The following DLD variants were observed in gnomAD, a reference collection of about 807,000 sequenced individuals.
DLD encodes dihydrolipoyl dehydrogenase, mitochondrial.
In DLD, 36 loss-of-function variants were observed where a neutral mutation model predicts 62.2. The ratio of observed to expected loss-of-function variants is 0.58; its 90% CI spans 0.44 to 0.76. DLD has a LOEUF of 0.76. DLD is among the 30% of genes least tolerant of loss of function. The probability of loss-of-function intolerance (pLI) is 0.00; values close to 1 mark genes in which losing one functional copy is unlikely to be tolerated. For synonymous variants in DLD, 204 were observed against 199.6 expected, an observed-to-expected ratio of 1.02 and a Z score of -0.19; for missense variants, 541 against 608.6, an observed-to-expected ratio of 0.89 and a Z score of 1.17.
rs894419713 is a variant in DLD at position 107,918,460 on chromosome 7, A to G, written c.1374+399A>G. On this transcript the variant is annotated intron_variant, in intron 12 of 13. Coordinates refer to ENST00000205402, the MANE Select transcript of DLD (RefSeq NM_000108.5). ...CTTCTCTCATTTTCACAACAGACCA[A>G]ATATTTGCATTTTAGGGCCTTTGTG... Among the ~76,000 whole-genome samples, 16 of 152,192 alleles carry G rather than the reference A, an allele frequency of 1.1e-4. No individual in the cohort carries two copies. The East Asian group carries it at 1.9e-3, about 18-fold the overall frequency.
In DLD at chr7:107,919,473, A is replaced by T. The variant is rs2116279991; in HGVS notation, c.*214A>T. The T allele has an allele frequency of 4.5e-6, 2 of 440,882 alleles. No individual in the cohort carries two copies. The highest frequency in any genetic ancestry group is 3.9e-5 in the Admixed American group (1 of 25,804). 27.3% of individuals were successfully genotyped at this position (440,882 alleles called of 1,614,324 possible). A position where few individuals can be genotyped will look rare whatever the true frequency, so the allele number is the denominator to read the frequency against. ...TTGTTTCAGTGCACTAATGTGTAAGACAAAAAGCTACTTATTGTAGCATCC... is the reference window on the plus strand; with the variant it reads ...TTGTTTCAGTGCACTAATGTGTAAGTCAAAAAGCTACTTATTGTAGCATCC... On this transcript the variant is annotated 3_prime_UTR_variant, in exon 14 of 14. Transcript: ENST00000205402.
rs2032384550 is a variant in DLD at position 107,920,455 on chromosome 7, ATTG to A, written c.*1201_*1203del. On this transcript the variant is annotated 3_prime_UTR_variant, in exon 14 of 14. Transcript: ENST00000205402. The stretch of plus-strand genomic sequence containing the variant: ...TGTTACATACTTCTAAAGAAAATTG[ATTG>A]TTGTCTTAGGAGGCAGTTAACTTGG... The A allele has an allele frequency of 6.6e-6, 1 of 152,210 alleles. No homozygotes were observed. The highest frequency in any genetic ancestry group is 1.9e-4 in the East Asian group (1 of 5,202). The allele number at this position is 152,210 out of a possible 1,614,324, so 9.4% of individuals were successfully genotyped here. A position where few individuals can be genotyped will look rare whatever the true frequency, so the allele number is the denominator to read the frequency against.
chr7:107,919,500 G>T lies in DLD; in HGVS notation c.*241G>T. On this transcript the variant is annotated 3_prime_UTR_variant, in exon 14 of 14. Coordinates refer to ENST00000205402, the MANE Select transcript of DLD (RefSeq NM_000108.5). Reference sequence around the variant, plus strand: ...AAAAAGCTACTTATTGTAGCATCCTGGAATATCTCCGTCAACTCATATTTT... The same window carrying T: ...AAAAAGCTACTTATTGTAGCATCCTTGAATATCTCCGTCAACTCATATTTT... 2 of 382,918 alleles carry T rather than the reference G, an allele frequency of 5.2e-6. No homozygotes were observed. The allele number at this position is 382,918 out of a possible 1,614,324, so 23.7% of individuals were successfully genotyped here. A position where few individuals can be genotyped will look rare whatever the true frequency, so the allele number is the denominator to read the frequency against.
chr7:107,906,198 G>T, intron 7 of DLD, 69 bp from the exon 8 acceptor site: 1 of 951,114 alleles, frequency 1.1e-6, no homozygotes, highest in Non-Finnish European at 1.6e-6. Context: ...TGGAACCCAT[G>T]GATATGGAGG....
chr7:107,907,178 A>G (rs2032029293), intron 8 of DLD, among the ~76,000 whole-genome samples: 1 of 152,060 alleles, frequency 6.6e-6, no homozygotes, highest in Admixed American at 6.6e-5. Flanking sequence ...CTGTTCTGTC[A>G]TATCTGCTTG....
chr7:107,895,810 G>C (rs2031706549), intron 2 of DLD, among the ~76,000 whole-genome samples: 1 of 152,128 alleles, frequency 6.6e-6, no homozygotes, highest in African/African-American at 2.4e-5. Context: ...GTTACAGGTT[G>C]GACCTTTTAC....
chr7:107,913,666 T>C lies in DLD; in HGVS notation c.685-1840T>C, dbSNP rs564008094. On this transcript the variant is annotated intron_variant, in intron 8 of 13. Transcript: ENST00000205402. The stretch of plus-strand genomic sequence containing the variant: ...AGGTTTTTCTAAATATAAGATCATG[T>C]AGTCTGCACAAAAGATTAATTTGAC... 5.3e-5 allele frequency among the ~76,000 whole-genome samples: 8 copies of C among 152,262 alleles called. No homozygotes were observed. The South Asian group carries it at 1.7e-3, about 32-fold the overall frequency.
chr7:107,908,403 C>T (rs2032060407), intron 8 of DLD, among the ~76,000 whole-genome samples: 1 of 151,916 alleles, frequency 6.6e-6, no homozygotes, highest in Non-Finnish European at 1.5e-5. Context: ...CATGATGGTT[C>T]ATGTCTATAA....
At chr7:107,908,787 C>T (rs73410479) in intron 8 of DLD, among the ~76,000 whole-genome samples, 3,671 of 152,132 alleles carry the variant, frequency 0.024, 150 homozygotes, top group African/African-American at 0.084. Context: ...AATATATCTA[C>T]ATTTCCATAG....
rs377043882 is a variant in DLD, at chr7:107,897,420, A to T, written c.118+4142A>T. ...CTAGTTGTGTAGCCTTATGCAAATT[A>T]TTTAGTTGTTTTCAACCTTTTCTTC... On this transcript the variant is annotated intron_variant, in intron 2 of 13. Coordinates refer to ENST00000205402, the MANE Select transcript of DLD (RefSeq NM_000108.5). Among the ~76,000 whole-genome samples the T allele has an allele frequency of 1.4e-4, 22 of 152,216 alleles. No homozygotes were observed. The East Asian group carries it at 2.5e-3, about 17-fold the overall frequency.
At chr7:107,908,079 T>G (rs148190854) in intron 8 of DLD, among the ~76,000 whole-genome samples, 322 of 152,342 alleles carry the variant, frequency 2.1e-3, no homozygotes, top group African/African-American at 7.3e-3. Flanking sequence ...CATCTGCTCT[T>G]TGGGCTGAAT....
intron 2 of DLD, among the ~76,000 whole-genome samples, chr7:107,895,597 C>T (rs879475729): frequency 2.6e-5 from 4 of 152,158 alleles, no homozygotes; most frequent in Non-Finnish European, 4.4e-5. Context: ...ACTGGAGTAC[C>T]GCAGTGAGCA....
At position 107,894,840 on chromosome 7, in the gene DLD, G is replaced by A. The variant is rs574780473; in HGVS notation, c.118+1562G>A. ...TGTGTAAAAGCTTTGAGTGGATGCA[G>A]TAACAAGCATTTTACACACATACTT... On this transcript the variant is annotated intron_variant, in intron 2 of 13. Transcript: ENST00000205402. Among the ~76,000 whole-genome samples, 13 of 152,332 alleles carry A rather than the reference G, an allele frequency of 8.5e-5. 1 individual carries two copies. The South Asian group carries it at 2.5e-3, about 29-fold the overall frequency.
intron 2 of DLD, among the ~76,000 whole-genome samples, chr7:107,894,861 T>C (rs928183555): frequency 6.6e-6 from 1 of 152,222 alleles, no homozygotes. Flanking sequence ...TTTACACACA[T>C]ACTTGTATTT....
chr7:107,903,435 G>C (rs775551311), intron 4 of DLD, 43 bp from the exon 5 acceptor site: 15 of 1,206,940 alleles, frequency 1.2e-5, no homozygotes, highest in Middle Eastern at 1.9e-4. Context: ...TTTGAAGTCT[G>C]TTTATGAATA....
In DLD at chr7:107,901,803, C is replaced by A; in HGVS notation, c.184C>A (p.Gln62Lys). 1 of 1,612,962 alleles carries A rather than the reference C, an allele frequency of 6.2e-7. No individual in the cohort carries two copies. Among genetic ancestry groups the A allele is most frequent in the Non-Finnish European group, 8.5e-7 (1 of 1,179,100 alleles). Residue 62 changes from glutamine to lysine, a missense_variant, in exon 3 of 14, where the codon CAG (glutamine) becomes AAG (lysine). Transcript: ENST00000205402. ...GGYVAAIKAA[Q>K]LGFKTVCIEK... ...ATATGTTGCTGCTATTAAAGCTGCC[C>A]AGTTAGGCTTCAAGGTAAGGTTTGA...
chr7:107,905,879 A>C, intron 7 of DLD: 1 of 317,186 alleles, frequency 3.2e-6, no homozygotes, highest in Admixed American at 4.8e-5. Flanking sequence ...AAATACATTT[A>C]TCTCTTCATA....
At chr7:107,915,462 A>T (rs1440799043) in intron 8 of DLD, 44 bp from the exon 9 acceptor site, 1 of 1,587,252 alleles carries the variant, frequency 6.3e-7, no homozygotes, top group Non-Finnish European at 8.6e-7. Flanking sequence ...AACATTTGCT[A>T]TAGAAACTTT....
At chr7:107,895,345 G>T (rs1477324562) in intron 2 of DLD, among the ~76,000 whole-genome samples, 1 of 152,186 alleles carries the variant, frequency 6.6e-6, no homozygotes, top group Non-Finnish European at 1.5e-5. Flanking sequence ...ATCTTATTAT[G>T]ATATAGTCTT....
Sources: gnomAD v4.1 joint callset for allele counts (sites outside exome capture counted in the v4.1 genomes callset) on GRCh38, gnomAD v4.1.1 for gene constraint, MANE v1.5 for transcripts, NCBI Gene and HGNC (gene_info 2026-07-23, HGNC 2026-07-21) for gene names.